The following DEF8 variants were observed in gnomAD, a reference collection of about 807,000 sequenced individuals.
DEF8 encodes DEF-8.
In DEF8, 38 loss-of-function variants were observed where a neutral mutation model predicts 59.1. The observed-to-expected ratio is 0.64, with a 90% CI of 0.50 to 0.84. DEF8 has a LOEUF of 0.84. DEF8 is among the 40% of genes least tolerant of loss of function. The probability of loss-of-function intolerance (pLI) is 0.00; values close to 1 mark genes in which losing one functional copy is unlikely to be tolerated. For synonymous variants in DEF8, 265 were observed against 250.1 expected (o/e 1.06, Z -0.56); for missense variants, 557 against 615.2 (o/e 0.91, Z 1.00).
chr16:89,950,375 T>G, intron 2 of DEF8: 1 of 981,024 alleles, frequency 1.0e-6, no homozygotes. Context: ...AGAACCAGAG[T>G]CTAAATCAGG....
At chr16:89,949,736 G>T in intron 2 of DEF8, 1 of 1,211,446 alleles carries the variant, frequency 8.3e-7, no homozygotes, top group Non-Finnish European at 1.1e-6. Context: ...GCTAAGTTGT[G>T]GGGTCCTCCC....
intron 6 of DEF8, 70 bp from the exon 7 acceptor site, chr16:89,960,861 C>G (rs73277929): frequency 3.2e-6 from 5 of 1,544,420 alleles, no homozygotes; most frequent in Non-Finnish European, 4.4e-6. Context: ...GGGGGCAAGC[C>G]AGCTGAGGGT....
At chr16:89,961,601 G>A (rs2034032440) in intron 7 of DEF8, 136 bp from the exon 8 acceptor site, 13 of 1,089,884 alleles carry the variant, frequency 1.2e-5, no homozygotes, top group Non-Finnish European at 1.6e-5. Context: ...ACCACCTGAG[G>A]TCTTCCGGCT....
In DEF8 at chr16:89,954,849, CG is replaced by C. The variant is rs915734647; in HGVS notation, c.125-319del. 2.7e-4 allele frequency among the ~76,000 whole-genome samples: 41 copies of C among 152,256 alleles called. No homozygotes were observed. Among genetic ancestry groups the C allele is most frequent in the African/African-American group, 9.4e-4 (39 of 41,546 alleles). On this transcript the variant is annotated intron_variant, in intron 3 of 12. Coordinates refer to ENST00000563594, the MANE Select transcript of DEF8 (RefSeq NM_001242818.2). This position sits in a 1 kb window ranked among gnomAD's most constrained non-coding sequence, Gnocchi z 4.3. ...TGTAGCCATGCAGTGGTTTTTCTCT[CG>C]CCCCCGTGGTCACGCATGAGGTGTC...
At chr16:89,950,498 C>G (rs1410619808) in intron 2 of DEF8, among the ~76,000 whole-genome samples, 1 of 151,924 alleles carries the variant, frequency 6.6e-6, no homozygotes, top group Admixed American at 6.6e-5. Context: ...AAGTGATTCT[C>G]CTGCCTCAGC....
At chr16:89,952,190 A>C (rs2032279806) in intron 2 of DEF8, among the ~76,000 whole-genome samples, 1 of 152,178 alleles carries the variant, frequency 6.6e-6, no homozygotes. Flanking sequence ...ATTTGTATAA[A>C]ATTTAATAGA....
At chr16:89,958,099 T>C in intron 5 of DEF8, 1 of 161,568 alleles carries the variant, frequency 6.2e-6, no homozygotes, top group Non-Finnish European at 1.4e-5. Flanking sequence ...GACAGCTGCC[T>C]TTTCACAGTG....
rs545225574 is a variant in DEF8 at position 89,960,838 on chromosome 16, G to T, written c.515-93G>T. On this transcript the variant is annotated intron_variant, in intron 6 of 12. Coordinates refer to ENST00000563594, the MANE Select transcript of DEF8 (RefSeq NM_001242818.2). The stretch of plus-strand genomic sequence containing the variant: ...TTAGATTGATCTGGGCCTCAGAGTG[G>T]AACCCACGGGGAGGGGGCAAGCCAG... 4.7e-5 allele frequency: 64 copies of T among 1,376,132 alleles called. No individual in the cohort carries two copies. The South Asian group carries it at 5.9e-4, about 13-fold the overall frequency. The allele number at this position is 1,376,132 out of a possible 1,614,324, so 85.2% of individuals were successfully genotyped here.
intron 2 of DEF8, among the ~76,000 whole-genome samples, chr16:89,949,836 G>A (rs1013156479): frequency 1.3e-5 from 2 of 152,196 alleles, no homozygotes; most frequent in African/African-American, 4.8e-5. Flanking sequence ...CCTTTCTGAG[G>A]CCAAGTCCCA....
At chr16:89,960,888 G>A (rs762712254) in intron 6 of DEF8, 43 bp from the exon 7 acceptor site, 70 of 1,590,274 alleles carry the variant, frequency 4.4e-5, no homozygotes, top group Non-Finnish European at 5.7e-5. Context: ...GGCTGCAGGC[G>A]CACCCTTCCC....
chr16:89,959,176 G>A (rs879176480), intron 6 of DEF8, 21 bp downstream of exon 6: 2 of 1,613,830 alleles, frequency 1.2e-6, no homozygotes, highest in South Asian at 2.2e-5. Context: ...ACCCAGACGA[G>A]GAGTGAGGAA....
rs753874893 is a variant in DEF8, at chr16:89,964,552, C to G, written c.1230C>G (p.Ala410=). The change falls in exon 12 of 13, where the codon GCC becomes GCG. Residue 410 remains alanine, a synonymous_variant. Coordinates refer to ENST00000563594, the MANE Select transcript of DEF8 (RefSeq NM_001242818.2). The stretch of plus-strand genomic sequence containing the variant: ...TCGACAGCCACACGTCTGTGTGCGC[C>G]GACTGCTCCGCGGTCTTCCACAGGT... ...FPFDSHTSVC[A]DCSAVFHRDC... The G allele has an allele frequency of 6.3e-7, 1 of 1,581,580 alleles. No homozygotes were observed. The highest frequency in any genetic ancestry group is 1.8e-5 in the Admixed American group (1 of 55,502).
rs1335323198 is a variant in DEF8 at position 89,949,458 on chromosome 16, C to T, written c.-66C>T. ...GGCCAGGCTTCCGTGGCCAGCAGCC[C>T]TAGAGGAATGGCCATCCTGTCCCTG... On this transcript the variant is annotated 5_prime_UTR_variant, in exon 2 of 13. Coordinates refer to ENST00000563594, the MANE Select transcript of DEF8 (RefSeq NM_001242818.2). The T allele has an allele frequency of 3.7e-6, 6 of 1,611,566 alleles. No individual in the cohort carries two copies. Among genetic ancestry groups the T allele is most frequent in the Non-Finnish European group, 5.1e-6 (6 of 1,179,798 alleles).
rs1380034127 is a variant in DEF8, at chr16:89,967,675, C to T, written c.*1712C>T. 2.0e-5 allele frequency: 8 copies of T among 394,140 alleles called. No individual in the cohort carries two copies. Among genetic ancestry groups the T allele is most frequent in the South Asian group, 1.4e-4 (1 of 6,998 alleles). 24.4% of individuals were successfully genotyped at this position (394,140 alleles called of 1,614,324 possible). A position where few individuals can be genotyped will look rare whatever the true frequency, so the allele number is the denominator to read the frequency against. ...TTCCCAACACCCCAAAGTCTGCACA[C>T]GTCTCATGAATGCATCACATTTCTG... On this transcript the variant is annotated 3_prime_UTR_variant, in exon 13 of 13. Coordinates refer to ENST00000563594, the MANE Select transcript of DEF8 (RefSeq NM_001242818.2).
intron 5 of DEF8, chr16:89,958,117 C>T (rs2033510569): frequency 2.5e-5 from 4 of 159,544 alleles, no homozygotes; most frequent in Admixed American, 2.4e-4. Flanking sequence ...GTGGTTATAG[C>T]AGGAACCTCA....
chr16:89,948,806 G>A lies in DEF8; in HGVS notation c.-116G>A. On this transcript the variant is annotated 5_prime_UTR_variant, in exon 1 of 13. Transcript: ENST00000563594. ...CGCAGCCGGGAGACAGATGCGAGGC[G>A]GCGGTCAGGTGAGCGGCGCGGGGCC... 1 of 982,388 alleles carries A rather than the reference G, an allele frequency of 1.0e-6. No homozygotes were observed. Among genetic ancestry groups the A allele is most frequent in the Non-Finnish European group, 1.2e-6 (1 of 829,158 alleles). 60.9% of individuals were successfully genotyped at this position (982,388 alleles called of 1,614,324 possible).
In DEF8 at chr16:89,961,833, T is replaced by A; in HGVS notation, c.776T>A (p.Val259Asp). Residue 259 changes from valine to aspartate, a missense_variant, in exon 8 of 13, where the codon GTT becomes GAT. Physicochemically the swap from Val to Asp is radical, Grantham distance 152 (BLOSUM62 -3). Transcript: ENST00000563594. ...GACCTGGCTGTGATCCCTGCACGCGTTGTACACAACTGGGACTTTGAGCCT... is the reference window on the plus strand; with the variant it reads ...GACCTGGCTGTGATCCCTGCACGCGATGTACACAACTGGGACTTTGAGCCT... ...WNDLAVIPAR[V>D]VHNWDFEPRK... 2 of 1,610,322 alleles carry A rather than the reference T, an allele frequency of 1.2e-6. No homozygotes were observed. Among genetic ancestry groups the A allele is most frequent in the Non-Finnish European group, 1.7e-6 (2 of 1,178,068 alleles).
rs1409825899 is a variant in DEF8, at chr16:89,959,006, C to T, written c.373-8C>T. ...CCTGTGACCCCCTCCCTGACTCACCCTCTGCAGGACCCCAATGAGGATGAG... is the reference window on the plus strand; with the variant it reads ...CCTGTGACCCCCTCCCTGACTCACCTTCTGCAGGACCCCAATGAGGATGAG... On this transcript the variant is annotated splice_polypyrimidine_tract_variant and splice_region_variant and intron_variant, in intron 5 of 12. Transcript: ENST00000563594. 6.2e-7 allele frequency: 1 copy of T among 1,610,068 alleles called. No homozygotes were observed. The highest frequency in any genetic ancestry group is 8.5e-7 in the Non-Finnish European group (1 of 1,179,908).
At chr16:89,957,863 C>G in intron 5 of DEF8, 1 of 533,366 alleles carries the variant, frequency 1.9e-6, no homozygotes, top group South Asian at 2.9e-5. Flanking sequence ...TTAGCCTAGA[C>G]CCTCCTGTTG....
Sources: gnomAD v4.1 joint callset for allele counts (sites outside exome capture counted in the v4.1 genomes callset) on GRCh38, gnomAD v4.1.1 for gene constraint, Gnocchi (gnomAD v3.1) non-coding constraint, MANE v1.5 for transcripts, NCBI Gene and HGNC (gene_info 2026-07-23, HGNC 2026-07-21) for gene names.